The following PRAMEF15 variants were observed in gnomAD, a reference collection of about 807,000 sequenced individuals.
The protein encoded by PRAMEF15 is PRAME family member 15, also known as PRAME family member 9/15.
PRAMEF15 carries 21 observed loss-of-function variants against 35.3 expected under a neutral mutation model. That is an observed-to-expected ratio of 0.59 (90% CI 0.42 to 0.86). The LOEUF (loss-of-function observed/expected upper bound fraction) is 0.86, where lower values mean the gene tolerates loss of function less well. Ranked by LOEUF, PRAMEF15 falls within the 40% of genes least tolerant of loss-of-function variation. PRAMEF15 has a pLI of 0.00. For missense variants in PRAMEF15, 360 were observed against 574.1 expected (o/e 0.63, Z 3.81); for synonymous variants, 122 against 223.3 (o/e 0.55, Z 4.05).
chr1:13,316,015 G>A (rs1386755717), intron 1 of PRAMEF15, among the ~76,000 whole-genome samples: 6 of 149,766 alleles, frequency 4.0e-5, no homozygotes, highest in African/African-American at 1.2e-4. Context: ...TTTTTTGGGG[G>A]TGGGGATGGA....
chr1:13,316,425 CCAAAAA>C (rs1429938491), intron 1 of PRAMEF15, among the ~76,000 whole-genome samples: 3 of 151,456 alleles, frequency 2.0e-5, no homozygotes, highest in Non-Finnish European at 4.4e-5. Flanking sequence ...GACACTCTGT[CCAAAAA>C]CAAAAACAAA....
chr1:13,322,451 T>A lies in PRAMEF15; in HGVS notation c.*187T>A. ...GGGGGAAATGTTGCCATGGATTCGA[T>A]GGGACTTTGGGGACCTGTGTCCTGT... On this transcript the variant is annotated 3_prime_UTR_variant, in exon 4 of 4. Transcript: ENST00000376152. 1 of 770,262 alleles carries A rather than the reference T, an allele frequency of 1.3e-6. No homozygotes were observed. Among genetic ancestry groups the A allele is most frequent in the Non-Finnish European group, 2.1e-6 (1 of 487,210 alleles). The allele number at this position is 770,262 out of a possible 1,614,324, so 47.7% of individuals were successfully genotyped here. A position where few individuals can be genotyped will look rare whatever the true frequency, so the allele number is the denominator to read the frequency against.
At chr1:13,318,322 T>C (rs1269538683) in intron 1 of PRAMEF15, 70 bp from the exon 2 acceptor site, 32 of 1,590,186 alleles carry the variant, frequency 2.0e-5, no homozygotes, top group Non-Finnish European at 2.6e-5. Context: ...AGTTTGGCCA[T>C]AGGAGAAGAT....
chr1:13,321,583 A>G, intron 3 of PRAMEF15, 120 bp from the exon 4 acceptor site: 10 of 1,406,262 alleles, frequency 7.1e-6, no homozygotes, highest in Non-Finnish European at 9.8e-6. Flanking sequence ...CCATCAGGCC[A>G]TCAGAATGAC....
chr1:13,321,010 T>C (rs879154101), intron 3 of PRAMEF15, among the ~76,000 whole-genome samples: 8,335 of 144,844 alleles, frequency 0.058, 400 homozygotes, highest in East Asian at 0.28. Flanking sequence ...ATGTCAGGGA[T>C]GCCTACAGCC....
intron 3 of PRAMEF15, 103 bp downstream of exon 3, chr1:13,320,056 G>C: frequency 6.3e-7 from 1 of 1,596,488 alleles, no homozygotes; most frequent in South Asian, 1.1e-5. Flanking sequence ...ATGAAACAGT[G>C]AAGAGGACAC....
chr1:13,317,734 C>T (rs1393529597), intron 1 of PRAMEF15, among the ~76,000 whole-genome samples: 8 of 151,412 alleles, frequency 5.3e-5, no homozygotes, highest in African/African-American at 1.9e-4. Flanking sequence ...TGAGATCCCA[C>T]CACTACACTC....
At position 13,315,609 on chromosome 1, in the gene PRAMEF15, G is replaced by C. The variant is rs1427441455; in HGVS notation, c.-66G>C. 6.6e-6 allele frequency: 1 copy of C among 151,124 alleles called. No homozygotes were observed. The highest frequency in any genetic ancestry group is 1.5e-5 in the Non-Finnish European group (1 of 67,730). 9.4% of individuals were successfully genotyped at this position (151,124 alleles called of 1,614,324 possible). ...CAAAGTCTTCAAGCCTGGAGTTCCT[G>C]CTTGGTTCTTCCTGAGGTCTGAGCA... On this transcript the variant is annotated 5_prime_UTR_variant, in exon 1 of 4. Coordinates refer to ENST00000376152, the MANE Select transcript of PRAMEF15 (RefSeq NM_001098376.3).
chr1:13,316,989 A>G lies in PRAMEF15; in HGVS notation c.-17+1331A>G, dbSNP rs1220534304. 6.2e-4 allele frequency among the ~76,000 whole-genome samples: 93 copies of G among 149,420 alleles called. 4 individuals carry two copies. In the South Asian group the frequency reaches 0.019, roughly 31 times the overall value. ...AAATCTTTCATTTTGATGGATTAAT[A>G]TCTAATTCGATCAGTTATTCTTTAA... On this transcript the variant is annotated intron_variant, in intron 1 of 3. Coordinates refer to ENST00000376152, the MANE Select transcript of PRAMEF15 (RefSeq NM_001098376.3).
intron 1 of PRAMEF15, among the ~76,000 whole-genome samples, chr1:13,318,158 G>GAT (rs1267490425): frequency 6.6e-6 from 1 of 152,086 alleles, no homozygotes; most frequent in Non-Finnish European, 1.5e-5. Context: ...TGGAGCACTG[G>GAT]ATAGAAAGGA....
At chr1:13,319,299 G>T (rs1640049166) in intron 2 of PRAMEF15, 73 bp from the exon 3 acceptor site, 3 of 1,595,604 alleles carry the variant, frequency 1.9e-6, no homozygotes, top group East Asian at 2.3e-5. Context: ...GGGAGGAGCT[G>T]CTATCCAGGA....
chr1:13,316,266 A>C (rs1243200165), intron 1 of PRAMEF15, among the ~76,000 whole-genome samples: 1 of 151,620 alleles, frequency 6.6e-6, no homozygotes, highest in Admixed American at 6.6e-5. Context: ...GGCCTCCCAA[A>C]GTGCTGGGAT....
intron 1 of PRAMEF15, 113 bp downstream of exon 1, chr1:13,315,771 T>C (rs1201067295): frequency 6.6e-6 from 1 of 151,236 alleles, no homozygotes; most frequent in African/African-American, 2.4e-5. Flanking sequence ...CTTTTTTTTT[T>C]TTTTTATATG....
intron 3 of PRAMEF15, among the ~76,000 whole-genome samples, chr1:13,321,363 C>A (rs1213254134): frequency 6.6e-6 from 1 of 151,080 alleles, no homozygotes; most frequent in African/African-American, 2.4e-5. Context: ...TGCAGGCTCC[C>A]GCCACCACAC....
intron 2 of PRAMEF15, among the ~76,000 whole-genome samples, chr1:13,318,957 A>C (rs974154351): frequency 2.0e-5 from 3 of 151,952 alleles, no homozygotes; most frequent in African/African-American, 4.8e-5. Flanking sequence ...CTCACAATGT[A>C]ATCCCAGCAC....
chr1:13,318,015 G>C (rs1173956680), intron 1 of PRAMEF15, among the ~76,000 whole-genome samples: 38 of 151,178 alleles, frequency 2.5e-4, no homozygotes, highest in African/African-American at 5.9e-4. Context: ...TTATTTGTAG[G>C]AACTGAAAAT....
intron 1 of PRAMEF15, among the ~76,000 whole-genome samples, chr1:13,317,250 A>C (rs1356594665): frequency 4.6e-5 from 7 of 151,216 alleles, no homozygotes; most frequent in South Asian, 2.1e-4. Flanking sequence ...TTGCTGTCTT[A>C]GTAGAGGCAG....
intron 1 of PRAMEF15, 36 bp downstream of exon 1, chr1:13,315,694 G>A (rs1276264054): frequency 6.6e-6 from 1 of 151,186 alleles, no homozygotes; most frequent in Non-Finnish European, 1.5e-5. Context: ...ACTCCCATCT[G>A]ACCTACAGTC....
rs1279144378 is a variant in PRAMEF15, at chr1:13,319,432, G to A, written c.354G>A (p.Trp118Ter). 2.5e-6 allele frequency: 4 copies of A among 1,612,912 alleles called. No individual in the cohort carries two copies. The South Asian group carries it at 3.3e-5, about 13-fold the overall frequency. The change falls in exon 3 of 4, where the codon TGG (tryptophan) becomes TGA (stop). Residue 118 changes from tryptophan to a stop codon, truncating the protein, a stop_gained. Transcript: ENST00000376152. LOFTEE classifies it high-confidence loss of function. ...QDVCENFWMV[W>*]SEAMAHGCFL... ...TCTGTGAGAACTTCTGGATGGTTTGGTCTGAAGCTATGGCCCATGGGTGCT... is the reference window on the plus strand; with the variant it reads ...TCTGTGAGAACTTCTGGATGGTTTGATCTGAAGCTATGGCCCATGGGTGCT...
Sources: gnomAD v4.1 joint callset for allele counts (sites outside exome capture counted in the v4.1 genomes callset) on GRCh38, gnomAD v4.1.1 for gene constraint, MANE v1.5 for transcripts, NCBI Gene and HGNC (gene_info 2026-07-23, HGNC 2026-07-21) for gene names.